SIPA1L3: variants seen among roughly 807,000 people sequenced by gnomAD.
SIPA1L3 encodes signal-induced proliferation-associated 1-like protein 3.
A neutral mutation model predicts 150.1 loss-of-function variants in SIPA1L3; 59 were observed. The ratio of observed to expected loss-of-function variants is 0.39; its 90% CI spans 0.32 to 0.49. SIPA1L3 has a LOEUF of 0.49. Ranked by LOEUF, SIPA1L3 falls within the 20% of genes least tolerant of loss-of-function variation. The pLI is 0.86. For synonymous variants in SIPA1L3, 1,070 were observed against 1,077.6 expected, an observed-to-expected ratio of 0.99 and a Z score of 0.14; for missense variants, 2,211 against 2,489.5, an observed-to-expected ratio of 0.89 and a Z score of 2.38.
intron 20 of SIPA1L3, among the ~76,000 whole-genome samples, chr19:38,202,511 C>T (rs982305310): frequency 1.3e-5 from 2 of 152,072 alleles, no homozygotes; most frequent in Non-Finnish European, 2.9e-5. Flanking sequence ...TTGCTTGAAC[C>T]CGGGAGGCGA....
chr19:38,136,096 A>C (rs1309364046), intron 10 of SIPA1L3, among the ~76,000 whole-genome samples: 2 of 138,328 alleles, frequency 1.4e-5, no homozygotes, highest in Non-Finnish European at 3.0e-5. Context: ...TTTCAGACGA[A>C]GTTTCACTCT....
chr19:38,062,716 G>T (rs1240309866), intron 2 of SIPA1L3, among the ~76,000 whole-genome samples: 1 of 152,122 alleles, frequency 6.6e-6, no homozygotes, highest in African/African-American at 2.4e-5. Flanking sequence ...TGCCTCACGG[G>T]CTCAAGCGGT....
chr19:37,928,022 G>T (rs1157780619), intron 1 of SIPA1L3, among the ~76,000 whole-genome samples: 1 of 152,136 alleles, frequency 6.6e-6, no homozygotes, highest in Non-Finnish European at 1.5e-5. Context: ...TGCGATGAAC[G>T]TAGGAGTGCA....
At chr19:38,071,491 G>T (rs1425819832) in intron 2 of SIPA1L3, among the ~76,000 whole-genome samples, 2 of 152,152 alleles carry the variant, frequency 1.3e-5, no homozygotes, top group African/African-American at 4.8e-5. Context: ...GTTTTACCTT[G>T]TTGGCCAGGC....
At chr19:38,049,117 A>G (rs530512062) in intron 2 of SIPA1L3, among the ~76,000 whole-genome samples, 263 of 151,770 alleles carry the variant, frequency 1.7e-3, no homozygotes, top group Non-Finnish European at 3.1e-3. Flanking sequence ...GGGCAAGTGG[A>G]GTCTGGCTGC....
Position 38,112,241 on chromosome 19 carries a change from C to T in SIPA1L3, c.2291+1857C>T, listed in dbSNP as rs188759533. 8.3e-4 allele frequency among the ~76,000 whole-genome samples: 126 copies of T among 151,660 alleles called. 3 individuals are homozygous for T. The East Asian group carries it at 0.018, about 22-fold the overall frequency. On this transcript the variant is annotated intron_variant, in intron 8 of 21. Transcript: ENST00000222345. ...TGCACATAACACATGCACACACCTGCACTCACACAGGCACACACAAGCACA... is the reference window on the plus strand; with the variant it reads ...TGCACATAACACATGCACACACCTGTACTCACACAGGCACACACAAGCACA...
chr19:38,204,460 TCAAAAAAACA>T (rs1478891719), intron 21 of SIPA1L3, among the ~76,000 whole-genome samples: 1 of 152,106 alleles, frequency 6.6e-6, no homozygotes, highest in African/African-American at 2.4e-5. Flanking sequence ...ATAACATTTA[TCAAAAAAACA>T]CAAAAAAACT....
At chr19:38,170,618 C>T (rs1972307621) in intron 15 of SIPA1L3, among the ~76,000 whole-genome samples, 1 of 152,206 alleles carries the variant, frequency 6.6e-6, no homozygotes. Flanking sequence ...GGAGCTGGAA[C>T]AGGCAGACCA....
Position 38,187,687 on chromosome 19 carries a change from C to T in SIPA1L3, c.4431-4458C>T, listed in dbSNP as rs1310960149. 1.4e-3 allele frequency among the ~76,000 whole-genome samples: 198 copies of T among 138,562 alleles called. 2 individuals are homozygous for T. Among genetic ancestry groups the T allele is most frequent in the African/African-American group, 5.2e-3 (188 of 36,194 alleles). The allele number at this position is 138,562 out of a possible 152,430, so 90.9% of individuals were successfully genotyped here. A position where few individuals can be genotyped will look rare whatever the true frequency, so the allele number is the denominator to read the frequency against. ...GAGCCAAGATTGCGCCACTGCACTCCAGCCTGGGCGACAGCGAGACTCCGT... is the reference window on the plus strand; with the variant it reads ...GAGCCAAGATTGCGCCACTGCACTCTAGCCTGGGCGACAGCGAGACTCCGT... On this transcript the variant is annotated intron_variant, in intron 16 of 21. Coordinates refer to ENST00000222345, the MANE Select transcript of SIPA1L3 (RefSeq NM_015073.3).
chr19:38,131,966 G>T (rs1971321882), intron 10 of SIPA1L3, among the ~76,000 whole-genome samples: 1 of 151,950 alleles, frequency 6.6e-6, no homozygotes, highest in African/African-American at 2.4e-5. Context: ...ATCTAGACTG[G>T]GTTCACACCT....
At chr19:38,179,525 T>A (rs773420438) in intron 15 of SIPA1L3, among the ~76,000 whole-genome samples, 5 of 152,246 alleles carry the variant, frequency 3.3e-5, no homozygotes, top group Admixed American at 6.5e-5. Flanking sequence ...GTTATTATAA[T>A]GTGCGTCTAT....
chr19:38,038,186 G>A (rs908350509), intron 2 of SIPA1L3, among the ~76,000 whole-genome samples: 1 of 152,174 alleles, frequency 6.6e-6, no homozygotes, highest in African/African-American at 2.4e-5. Flanking sequence ...GGCAGGTTCT[G>A]GGTACGGTTT....
At chr19:37,968,519 A>C (rs1568483184) in intron 1 of SIPA1L3, among the ~76,000 whole-genome samples, 1 of 152,130 alleles carries the variant, frequency 6.6e-6, no homozygotes, top group Non-Finnish European at 1.5e-5. Flanking sequence ...GTGGTTTCCC[A>C]TTTCTAGCAT....
chr19:37,970,563 C>G (rs902111724), intron 1 of SIPA1L3, among the ~76,000 whole-genome samples: 2 of 152,060 alleles, frequency 1.3e-5, no homozygotes, highest in Non-Finnish European at 2.9e-5. Flanking sequence ...ACAGTTCTTT[C>G]TTCGCACTAA....
Position 38,082,920 on chromosome 19 carries a change from C to T in SIPA1L3, c.1355C>T (p.Pro452Leu). ...VSFSRASVGS[P>L]SSGEGHLAEP... ...TTCTCCCGGGCTTCCGTGGGCTCCC[C>T]GAGCAGCGGCGAGGGCCACCTGGCA... The change falls in exon 3 of 22, where the codon CCG becomes CTG. Residue 452 changes from proline to leucine, a missense_variant. This residue lies in a region of SIPA1L3 where 587 missense variants were observed against 534.5 expected (regional missense o/e 1.10). Transcript: ENST00000222345. 2 of 1,613,050 alleles carry T rather than the reference C, an allele frequency of 1.2e-6. No homozygotes were observed. Among genetic ancestry groups the T allele is most frequent in the Non-Finnish European group, 1.7e-6 (2 of 1,179,884 alleles).
At chr19:38,072,174 G>A (rs1969736666) in intron 2 of SIPA1L3, among the ~76,000 whole-genome samples, 1 of 152,152 alleles carries the variant, frequency 6.6e-6, no homozygotes, top group Non-Finnish European at 1.5e-5. Context: ...ATAGCCATGT[G>A]GCTATGAGTT....
chr19:38,091,335 A>G (rs566995339), intron 4 of SIPA1L3, among the ~76,000 whole-genome samples: 2 of 152,270 alleles, frequency 1.3e-5, no homozygotes, highest in Middle Eastern at 3.4e-3. Flanking sequence ...GTAGTGAGCC[A>G]AGATCACACC....
chr19:38,019,093 G>C (rs1054457566), intron 1 of SIPA1L3, among the ~76,000 whole-genome samples: 1 of 152,154 alleles, frequency 6.6e-6, no homozygotes, highest in Non-Finnish European at 1.5e-5. Context: ...GTAAAATACT[G>C]TCCCATCACT....
rs533477771 is a variant in SIPA1L3, at chr19:38,083,002, C to T, written c.1437C>T (p.Pro479=). Residue 479 remains proline, a synonymous_variant, in exon 3 of 22, where the codon CCC becomes CCT. Transcript: ENST00000222345. ...CCAGCATCTCGGTGTTGGAAGTTCCCAAGGAGCAGCAGCGGACGCAGAGTC... is the reference window on the plus strand; with the variant it reads ...CCAGCATCTCGGTGTTGGAAGTTCCTAAGGAGCAGCAGCGGACGCAGAGTC... The part of the protein sequence containing the change: ...TNASISVLEV[P]KEQQRTQSRP... The T allele has an allele frequency of 1.3e-4, 209 of 1,613,334 alleles. 4 individuals carry two copies. In the South Asian group the frequency reaches 2.2e-3, roughly 17 times the overall value.
Sources: allele counts gnomAD v4.1 joint callset (sites outside exome capture counted in the v4.1 genomes callset), GRCh38; gene constraint gnomAD v4.1.1; regional missense constraint gnomAD v4.1.1; transcripts MANE v1.5; gene names NCBI Gene and HGNC (gene_info 2026-07-23, HGNC 2026-07-21).